KMT2C: variants seen among roughly 807,000 people sequenced by gnomAD.
KMT2C encodes histone-lysine N-methyltransferase 2C.
KMT2C carries 88 observed loss-of-function variants against 507.9 expected under a neutral mutation model. The observed-to-expected ratio is 0.17, with a 90% confidence interval of 0.15 to 0.21. KMT2C has a LOEUF of 0.21. Among genes scored for constraint, KMT2C ranks in the 10% least tolerant of loss-of-function variants. The probability of loss-of-function intolerance (pLI) is 1.00; values close to 1 mark genes in which losing one functional copy is unlikely to be tolerated. For missense variants in KMT2C, 4,954 were observed against 5,957.8 expected, an observed-to-expected ratio of 0.83 and a Z score of 5.55; for synonymous variants, 2,049 against 2,080.8, an observed-to-expected ratio of 0.98 and a Z score of 0.42.
intron 8 of KMT2C, 122 bp downstream of exon 8, chr7:152,264,916 G>T: frequency 8.4e-7 from 1 of 1,188,738 alleles, no homozygotes; most frequent in Non-Finnish European, 1.1e-6. Context: ...GTATGATGAA[G>T]TCACTGAATG....
At chr7:152,247,410 A>G (rs1588557862) in intron 14 of KMT2C, among the ~76,000 whole-genome samples, 1 of 152,220 alleles carries the variant, frequency 6.6e-6, no homozygotes, top group East Asian at 1.9e-4. Context: ...ATCCCACAAG[A>G]GTTAGCAATT....
At chr7:152,195,293 A>C (rs1412929163) in intron 28 of KMT2C, among the ~76,000 whole-genome samples, 1 of 152,204 alleles carries the variant, frequency 6.6e-6, no homozygotes, top group East Asian at 1.9e-4. Context: ...CCACATATTA[A>C]CAAAAATAAA....
chr7:152,229,003 T>C (rs943360269), intron 18 of KMT2C, among the ~76,000 whole-genome samples: 31 of 152,320 alleles, frequency 2.0e-4, no homozygotes, highest in South Asian at 2.1e-4. Context: ...CTAGTGTAGT[T>C]ATCAACAAAG....
intron 8 of KMT2C, among the ~76,000 whole-genome samples, chr7:152,264,761 GACC>G (rs1287950839): frequency 2.0e-5 from 3 of 151,504 alleles, no homozygotes; most frequent in African/African-American, 7.3e-5. Flanking sequence ...CTCTTTAGAC[GACC>G]AGAGCAATTT....
At chr7:152,280,135 A>T (rs1284169800) in intron 6 of KMT2C, among the ~76,000 whole-genome samples, 2 of 152,292 alleles carry the variant, frequency 1.3e-5, no homozygotes, top group Non-Finnish European at 2.9e-5. Context: ...AATTCATAGC[A>T]AGGGAACATT....
At chr7:152,422,989 C>T in intron 1 of KMT2C, among the ~76,000 whole-genome samples, 1 of 150,806 alleles carries the variant, frequency 6.6e-6, no homozygotes, top group East Asian at 1.9e-4. Flanking sequence ...TGCACTCCAG[C>T]CTGGGCAACA....
intron 5 of KMT2C, 56 bp from the exon 6 acceptor site, chr7:152,310,131 T>C (rs2096657340): frequency 8.4e-7 from 1 of 1,184,328 alleles, no homozygotes. Flanking sequence ...AAATTAAAGC[T>C]AATAAATAAA....
intron 7 of KMT2C, among the ~76,000 whole-genome samples, chr7:152,265,869 A>G (rs1428004495): frequency 1.3e-5 from 2 of 152,252 alleles, no homozygotes; most frequent in Non-Finnish European, 2.9e-5. Context: ...TAAAATCCAC[A>G]TAATTATGGA....
chr7:152,407,942 C>G (rs71252127), intron 1 of KMT2C, among the ~76,000 whole-genome samples: 42 of 147,738 alleles, frequency 2.8e-4, no homozygotes, highest in East Asian at 1.0e-3. Flanking sequence ...AATCAACAGT[C>G]CTTACAAAAT....
In KMT2C at chr7:152,205,167, T is replaced by C; in HGVS notation, c.3900A>G (p.Arg1300=). The C allele has an allele frequency of 6.2e-7, 1 of 1,611,102 alleles. No individual in the cohort carries two copies. ...RSRTGQGKTK[R]SVIRKDSSGS... is the part of the protein sequence containing the mutation. ...CTGAGGAATCTTTTCTGATCACAGATCTTTTGGTTTTCCCTTGCCCAGTTC... is the reference window on the plus strand; with the variant it reads ...CTGAGGAATCTTTTCTGATCACAGACCTTTTGGTTTTCCCTTGCCCAGTTC... Residue 1300 remains arginine (R), a synonymous_variant, in exon 25 of 59, where the codon AGA becomes AGG. Transcript: ENST00000262189.
chr7:152,196,171 A>G (rs1240105878), intron 27 of KMT2C, among the ~76,000 whole-genome samples, 160 bp from the exon 28 acceptor site: 1 of 152,226 alleles, frequency 6.6e-6, no homozygotes, highest in Non-Finnish European at 1.5e-5. Context: ...AGCAAAGGAG[A>G]TAATGTTTTG....
intron 3 of KMT2C, among the ~76,000 whole-genome samples, chr7:152,328,909 T>G (rs1024752886): frequency 2.6e-5 from 4 of 152,024 alleles, no homozygotes; most frequent in African/African-American, 9.7e-5. Flanking sequence ...AGAAGCAGAT[T>G]TGGGGCAGAG....
intron 41 of KMT2C, among the ~76,000 whole-genome samples, chr7:152,168,686 G>A (rs1235363607): frequency 6.6e-6 from 1 of 152,170 alleles, no homozygotes; most frequent in African/African-American, 2.4e-5. Context: ...TCAGTTTGGG[G>A]AGAACTTTAA....
intron 46 of KMT2C, 96 bp from the exon 47 acceptor site, chr7:152,154,541 G>A: frequency 2.0e-6 from 2 of 1,016,126 alleles, no homozygotes; most frequent in Non-Finnish European, 3.0e-6. Context: ...CAGCTGTAAG[G>A]ATACTCTGGG....
intron 9 of KMT2C, among the ~76,000 whole-genome samples, chr7:152,255,137 A>ATATATATATATG (rs1563606964): frequency 3.1e-5 from 4 of 127,680 alleles, no homozygotes; most frequent in African/African-American, 1.3e-4. Context: ...ATATATATAT[A>ATATATATATATG]TATATATACA....
Position 152,176,282 on chromosome 7 carries a change from A to C in KMT2C, c.9171T>G (p.Asp3057Glu). ...GTTCTTGCCTTTCTTGATCCAAAAG[A>C]TCCTGTAGAAGTAGAGGCTGTTCTT... ...LLEEQPLLLQ[D>E]LLDQERQEQQ... The change falls in exon 38 of 59, where the codon GAT (aspartate) becomes GAG (glutamate). Residue 3057 changes from aspartate (D) to glutamate (E), a missense_variant. Physicochemically the swap from Asp to Glu is conservative, Grantham distance 45. Coordinates refer to ENST00000262189, the MANE Select transcript of KMT2C (RefSeq NM_170606.3). 6.2e-7 allele frequency: 1 copy of C among 1,614,120 alleles called. No individual in the cohort carries two copies. The highest frequency in any genetic ancestry group is 8.5e-7 in the Non-Finnish European group (1 of 1,180,030).
chr7:152,135,706 T>C lies in KMT2C; in HGVS notation c.*1126A>G, dbSNP rs566168122. 7 of 226,992 alleles carry C rather than the reference T, an allele frequency of 3.1e-5. No individual in the cohort carries two copies. The highest frequency in any genetic ancestry group is 2.3e-4 in the Admixed American group (4 of 17,546). 14.1% of individuals were successfully genotyped at this position (226,992 alleles called of 1,614,324 possible). On this transcript the variant is annotated 3_prime_UTR_variant, in exon 59 of 59. Coordinates refer to ENST00000262189, the MANE Select transcript of KMT2C (RefSeq NM_170606.3). ...ATTTTTAAGCAGTTATTCACAGTTATCACAAATTGTAAGCACAAAAAAACC... is the reference window on the plus strand; with the variant it reads ...ATTTTTAAGCAGTTATTCACAGTTACCACAAATTGTAAGCACAAAAAAACC...
chr7:152,151,347 A>G (rs114424026), intron 50 of KMT2C, 95 bp downstream of exon 50: 28 of 1,281,146 alleles, frequency 2.2e-5, no homozygotes, highest in African/African-American at 7.4e-5. Flanking sequence ...TCACACCACC[A>G]TAAGTGGTGT....
chr7:152,244,228 G>T (rs2095433035), intron 14 of KMT2C, among the ~76,000 whole-genome samples: 1 of 152,148 alleles, frequency 6.6e-6, no homozygotes, highest in Non-Finnish European at 1.5e-5. Context: ...CGCTTTCAGG[G>T]TTACAGTTAA....
Sources: allele counts gnomAD v4.1 joint callset (sites outside exome capture counted in the v4.1 genomes callset), GRCh38; gene constraint gnomAD v4.1.1; transcripts MANE v1.5; gene names NCBI Gene and HGNC (gene_info 2026-07-23, HGNC 2026-07-21).